The following NOA1 variants were observed in gnomAD, a reference collection of about 807,000 sequenced individuals.
NOA1 encodes nitric oxide associated 1.
In NOA1, 35 loss-of-function variants were observed where a neutral mutation model predicts 58.4. The observed-to-expected ratio is 0.60, with a 90% confidence interval of 0.46 to 0.79. The LOEUF is 0.79. Among genes scored for constraint, NOA1 ranks in the 30% least tolerant of loss-of-function variants. The pLI is 0.00. For synonymous variants in NOA1, 397 were observed against 373.4 expected (o/e 1.06, Z -0.73); for missense variants, 895 against 894.6 (o/e 1.00, Z -0.01).
In NOA1 at chr4:56,966,823, C is replaced by A. The variant is rs551994460; in HGVS notation, c.1648-87G>T. 47 of 854,532 alleles carry A rather than the reference C, an allele frequency of 5.5e-5. No homozygotes were observed. The South Asian group carries it at 7.2e-4, about 13-fold the overall frequency. 52.9% of individuals were successfully genotyped at this position (854,532 alleles called of 1,614,324 possible). On this transcript the variant is annotated intron_variant, in intron 4 of 6. Transcript: ENST00000264230. ...TACAATCAACTAAAAAAAAAACAAA[C>A]CAAAAAACAAAAACCCAATCAGACT...
In NOA1 at chr4:56,977,380, T is replaced by C; in HGVS notation, c.206A>G (p.Gln69Arg). Residue 69 changes from glutamine to arginine, a missense_variant, in exon 1 of 7, where the codon CAG becomes CGG. Gln to Arg is a conservative substitution (Grantham distance 43). Around this residue, in one of 3 missense-constraint regions of NOA1, gnomAD observed 680 missense variants for 656.5 expected, o/e 1.04. Transcript: ENST00000264230. Reference protein sequence around the residue: ...TEGFGEGGDMQERFLFPEYIL... With the variant: ...TEGFGEGGDMRERFLFPEYIL... ...GTACTCCGGGAACAGAAAACGCTCC[T>C]GCATGTCACCACCTTCTCCAAAGCC... is the stretch of plus-strand genomic sequence containing the variant. 6.2e-7 allele frequency: 1 copy of C among 1,614,204 alleles called. No homozygotes were observed. Among genetic ancestry groups the C allele is most frequent in the Non-Finnish European group, 8.5e-7 (1 of 1,180,024 alleles).
At chr4:56,974,651 CAAA>C (rs5858406) in intron 1 of NOA1, among the ~76,000 whole-genome samples, 4,080 of 143,940 alleles carry the variant, frequency 0.028, 86 homozygotes, top group Non-Finnish European at 0.043. Flanking sequence ...GCCTCTGTCT[CAAA>C]AAAAAAAAAA....
chr4:56,964,612 G>T, intron 5 of NOA1, 86 bp from the exon 6 acceptor site: 1 of 1,378,860 alleles, frequency 7.3e-7, no homozygotes, highest in Non-Finnish European at 1.0e-6. Flanking sequence ...AGATAATTCT[G>T]TACAGGGATC....
intron 4 of NOA1, among the ~76,000 whole-genome samples, chr4:56,967,433 A>T (rs1721734746): frequency 6.6e-6 from 1 of 152,058 alleles, no homozygotes; most frequent in Non-Finnish European, 1.5e-5. Flanking sequence ...AAAAGCAAAA[A>T]ACCAACAACC....
At chr4:56,975,699 A>C (rs1721898517) in intron 1 of NOA1, among the ~76,000 whole-genome samples, 2 of 152,164 alleles carry the variant, frequency 1.3e-5, no homozygotes, top group South Asian at 4.1e-4. Flanking sequence ...AACATAGTGA[A>C]ACCCCGTCTC....
Position 56,976,500 on chromosome 4 carries a change from A to G in NOA1, c.1086T>C (p.Asp362=). The G allele has an allele frequency of 3.1e-6, 5 of 1,614,210 alleles. No homozygotes were observed. The highest frequency in any genetic ancestry group is 4.2e-6 in the Non-Finnish European group (5 of 1,180,036). The change falls in exon 1 of 7, where the codon GAT becomes GAC. Residue 362 remains aspartate, a synonymous_variant. Transcript: ENST00000264230. Reference sequence around the variant, plus strand: ...CCTCGGAGCCCTTGGCAGTGCAGTAATCGGACTCCAGGAGCGTGTTAAAGA... The same window carrying G: ...CCTCGGAGCCCTTGGCAGTGCAGTAGTCGGACTCCAGGAGCGTGTTAAAGA... ...STLFNTLLES[D]YCTAKGSEAI...
At position 56,977,055 on chromosome 4, in the gene NOA1, G is replaced by C. The variant is rs778035395; in HGVS notation, c.531C>G (p.Thr177=). 4.6e-5 allele frequency: 72 copies of C among 1,581,156 alleles called. No individual in the cohort carries two copies. The African/African-American group carries it at 7.9e-4, about 17-fold the overall frequency. ...TAEADGGLAR[T]VCQRCWLLSH... ...ACAGCAGCCAGCAGCGCTGGCACAC[G>C]GTCCGTGCCAGCCCGCCGTCTGCCT... Residue 177 remains threonine, a synonymous_variant, in exon 1 of 7, where the codon ACC becomes ACG. Transcript: ENST00000264230.
chr4:56,973,915 G>C lies in NOA1; in HGVS notation c.1252C>G (p.Leu418Val), dbSNP rs776018188. 12 of 1,613,998 alleles carry C rather than the reference G, an allele frequency of 7.4e-6. No individual in the cohort carries two copies. The highest frequency in any genetic ancestry group is 5.0e-5 in the Admixed American group (3 of 59,992). Residue 418 changes from leucine (L) to valine (V), a missense_variant, in exon 2 of 7, where the codon CTT becomes GTT. Coordinates refer to ENST00000264230, the MANE Select transcript of NOA1 (RefSeq NM_032313.4). ...AGCTGATTTTGTTCTTGCTCACTAA[G>C]ATCTTCTTCAGCTTGAGTTGAATCT... is the stretch of plus-strand genomic sequence containing the variant. Reference protein sequence around the residue: ...KKDSTQAEEDLSEQEQNQLNV... With the variant: ...KKDSTQAEEDVSEQEQNQLNV...
In NOA1 at chr4:56,977,377, T is replaced by C. The variant is rs767671237; in HGVS notation, c.209A>G (p.Glu70Gly). 1.2e-6 allele frequency: 2 copies of C among 1,614,182 alleles called. No individual in the cohort carries two copies. Among genetic ancestry groups the C allele is most frequent in the South Asian group, 1.1e-5 (1 of 91,088 alleles). ...EGFGEGGDMQ[E>G]RFLFPEYILD... ...GATGTACTCCGGGAACAGAAAACGC[T>C]CCTGCATGTCACCACCTTCTCCAAA... Residue 70 changes from glutamate to glycine, a missense_variant, in exon 1 of 7, where the codon GAG becomes GGG. Around this residue, in one of 3 missense-constraint regions of NOA1, gnomAD observed 680 missense variants for 656.5 expected, o/e 1.04. Coordinates refer to ENST00000264230, the MANE Select transcript of NOA1 (RefSeq NM_032313.4).
intron 5 of NOA1, 44 bp downstream of exon 5, chr4:56,966,576 G>A: frequency 8.7e-7 from 1 of 1,151,704 alleles, no homozygotes; most frequent in Non-Finnish European, 1.3e-6. Context: ...GACCATCCCA[G>A]TGTATACTAA....
At chr4:56,974,046 T>A (rs1435807827) in intron 1 of NOA1, 24 bp from the exon 2 acceptor site, 4 of 1,566,928 alleles carry the variant, frequency 2.6e-6, no homozygotes, top group Non-Finnish European at 3.5e-6. Flanking sequence ...AATAAATACA[T>A]CTTTACAAAA....
chr4:56,971,991 C>A (rs1219448768), intron 3 of NOA1, among the ~76,000 whole-genome samples: 1 of 151,968 alleles, frequency 6.6e-6, no homozygotes. Context: ...CGGGTTCACA[C>A]CATTCTCCTG....
chr4:56,971,478 T>C (rs948012807), intron 3 of NOA1, among the ~76,000 whole-genome samples: 3 of 151,880 alleles, frequency 2.0e-5, no homozygotes, highest in African/African-American at 4.8e-5. Flanking sequence ...ATTTAAAAGG[T>C]GTGTATGATT....
chr4:56,968,335 GA>G (rs1205711247), intron 4 of NOA1, 48 bp downstream of exon 4: 1 of 1,569,522 alleles, frequency 6.4e-7, no homozygotes, highest in Admixed American at 1.9e-5. Flanking sequence ...TCCTTAAAGT[GA>G]ATCCCAATAT....
rs1200864259 is a variant in NOA1, at chr4:56,977,421, G to A, written c.165C>T (p.Asp55=). The change falls in exon 1 of 7, where the codon GAC becomes GAT. Residue 55 remains aspartate (D), a synonymous_variant. Coordinates refer to ENST00000264230, the MANE Select transcript of NOA1 (RefSeq NM_032313.4). ...CTCCAAAGCCCTCCGTGTCCACGGGGTCATAAGGAAGCTCGCGTCCCAGAC... is the reference window on the plus strand; with the variant it reads ...CTCCAAAGCCCTCCGTGTCCACGGGATCATAAGGAAGCTCGCGTCCCAGAC... ...SSSLGRELPY[D]PVDTEGFGEG... 1.2e-6 allele frequency: 2 copies of A among 1,614,216 alleles called. No homozygotes were observed. Among genetic ancestry groups the A allele is most frequent in the Non-Finnish European group, 1.7e-6 (2 of 1,180,036 alleles).
In NOA1 at chr4:56,977,237, G is replaced by T; in HGVS notation, c.349C>A (p.Leu117Ile). Residue 117 changes from leucine (L) to isoleucine (I), a missense_variant, in exon 1 of 7, where the codon CTA (leucine) becomes ATA (isoleucine). Leu to Ile is a conservative substitution (Grantham distance 5). This residue lies in a region of NOA1 where 680 missense variants were observed against 656.5 expected (regional missense o/e 1.04). Coordinates refer to ENST00000264230, the MANE Select transcript of NOA1 (RefSeq NM_032313.4). ...GGGTGCTCCCGGGACCTGGCCCGTA[G>T]GTTTTGCTGTCGCCGCTCCTCCCGC... ...QRREERRQQN[L>I]RARSREHPVV... is the part of the protein sequence containing the mutation. 6.3e-7 allele frequency: 1 copy of T among 1,595,630 alleles called. No individual in the cohort carries two copies. Among genetic ancestry groups the T allele is most frequent in the South Asian group, 1.1e-5 (1 of 89,524 alleles).
At position 56,973,296 on chromosome 4, in the gene NOA1, T is replaced by C; in HGVS notation, c.1367A>G (p.Glu456Gly). The C allele has an allele frequency of 6.2e-7, 1 of 1,614,114 alleles. No homozygotes were observed. Among genetic ancestry groups the C allele is most frequent in the Admixed American group, 1.7e-5 (1 of 60,006 alleles). The change falls in exon 3 of 7, where the codon GAG becomes GGG. Residue 456 changes from glutamate to glycine, a missense_variant. Transcript: ENST00000264230. ...SEEQKDNIPFEFDADSLAFDM... is the reference protein window; with the variant it reads ...SEEQKDNIPFGFDADSLAFDM... ...AAAGGCAAGTGAATCAGCATCAAACTCAAAGGGAATGTTATCCTTCTGTTC... is the reference window on the plus strand; with the variant it reads ...AAAGGCAAGTGAATCAGCATCAAACCCAAAGGGAATGTTATCCTTCTGTTC...
rs745595855 is a variant in NOA1 at position 56,976,467 on chromosome 4, G to A, written c.1119C>T (p.Asp373=). Residue 373 remains aspartate (D), a synonymous_variant, in exon 1 of 7, where the codon GAC becomes GAT. Transcript: ENST00000264230. ...CTGGCCAAGGGGAGATGGTGGCTCT[G>A]TCGATGGCCTCGGAGCCCTTGGCAG... The part of the protein sequence containing the change: ...YCTAKGSEAI[D]RATISPWPGT... The A allele has an allele frequency of 6.2e-7, 1 of 1,613,762 alleles. No individual in the cohort carries two copies. Among genetic ancestry groups the A allele is most frequent in the Non-Finnish European group, 8.5e-7 (1 of 1,179,634 alleles).
intron 3 of NOA1, among the ~76,000 whole-genome samples, chr4:56,971,272 C>T (rs1718875): frequency 0.18 from 24,514 of 137,348 alleles, 2,652 homozygotes; most frequent in Middle Eastern, 0.25. Flanking sequence ...AAGATCATTG[C>T]GCCACTGCAC....
Sources: allele counts gnomAD v4.1 joint callset (sites outside exome capture counted in the v4.1 genomes callset), GRCh38; gene constraint gnomAD v4.1.1; regional missense constraint gnomAD v4.1.1; transcripts MANE v1.5; gene names NCBI Gene and HGNC (gene_info 2026-07-23, HGNC 2026-07-21).